Variants in MAP4K4 observed in about 807,000 individuals in gnomAD.
MAP4K4 encodes mitogen-activated protein kinase kinase kinase kinase 4, also known as HPK/GCK-like kinase HGK.
MAP4K4 carries 38 observed loss-of-function variants against 189.6 expected under a neutral mutation model. The ratio of observed to expected loss-of-function variants is 0.20; its 90% confidence interval spans 0.15 to 0.26. The LOEUF is 0.26. Ranked by LOEUF, MAP4K4 falls within the 10% of genes least tolerant of loss-of-function variation. The pLI, the probability that MAP4K4 is intolerant of heterozygous loss-of-function variation, is 1.00. For synonymous variants in MAP4K4, 610 were observed against 624.3 expected (o/e 0.98, Z 0.34); for missense variants, 1,054 against 1,726.9 (o/e 0.61, Z 6.91).
At chr2:101,705,967 T>C (rs918577621) in intron 2 of MAP4K4, among the ~76,000 whole-genome samples, 1 of 152,310 alleles carries the variant, frequency 6.6e-6, no homozygotes, top group South Asian at 2.1e-4. Context: ...TGGCTAAATA[T>C]GAACAAGTTA....
At chr2:101,757,029 C>T (rs927308714) in intron 2 of MAP4K4, among the ~76,000 whole-genome samples, 5 of 152,114 alleles carry the variant, frequency 3.3e-5, no homozygotes, top group Non-Finnish European at 4.4e-5. Flanking sequence ...CACAGTGGTA[C>T]AGGGTTTGTT....
intron 3 of MAP4K4, among the ~76,000 whole-genome samples, chr2:101,791,417 G>A (rs1038316792): frequency 1.3e-5 from 2 of 151,936 alleles, no homozygotes; most frequent in African/African-American, 4.8e-5. Flanking sequence ...ATATGCACGA[G>A]CCCATATTTA....
In MAP4K4 at chr2:101,867,261, G is replaced by A. The variant is rs767116570; in HGVS notation, c.2406G>A (p.Val802=). Residue 802 remains valine, a synonymous_variant, in exon 20 of 33, where the codon GTG becomes GTA. Transcript: ENST00000324219. ...CATCTCAGCGCCTGGAAAATGCAGT[G>A]AAAAAACCTGAAGATAAAAAGGAAG... 8 of 1,607,444 alleles carry A rather than the reference G, an allele frequency of 5.0e-6. No individual in the cohort carries two copies. The South Asian group carries it at 6.7e-5, about 14-fold the overall frequency.
At chr2:101,726,213 C>T (rs908490096) in intron 2 of MAP4K4, among the ~76,000 whole-genome samples, 3 of 152,204 alleles carry the variant, frequency 2.0e-5, no homozygotes, top group African/African-American at 7.2e-5. Flanking sequence ...TGCAGCTATT[C>T]ACTTTGAGAG....
chr2:101,885,926 A>G (rs1354757963), intron 29 of MAP4K4, among the ~76,000 whole-genome samples: 1 of 152,200 alleles, frequency 6.6e-6, no homozygotes, highest in Admixed American at 6.5e-5. Context: ...AAAAATACTC[A>G]TGAAATTTAC....
chr2:101,866,485 C>T, exon 19 of MAP4K4: 1 of 1,613,628 alleles, frequency 6.2e-7, no homozygotes, highest in Non-Finnish European at 8.5e-7. Context: ...CCAGACCTGG[C>T]AGTGGCAGCT....
intron 7 of MAP4K4, among the ~76,000 whole-genome samples, chr2:101,832,553 A>AT (rs1451174175): frequency 6.6e-6 from 1 of 152,192 alleles, no homozygotes; most frequent in African/African-American, 2.4e-5. Flanking sequence ...AGAATGTTTT[A>AT]TTTTTTATAT....
intron 2 of MAP4K4, among the ~76,000 whole-genome samples, chr2:101,777,811 T>A (rs1195560454): frequency 1.3e-5 from 2 of 152,204 alleles, no homozygotes; most frequent in African/African-American, 4.8e-5. Flanking sequence ...ACCAGTGTCT[T>A]GTATATCAGA....
chr2:101,796,794 G>A (rs2093741515), intron 3 of MAP4K4, among the ~76,000 whole-genome samples: 1 of 152,190 alleles, frequency 6.6e-6, no homozygotes, highest in South Asian at 2.1e-4. Flanking sequence ...GGAAGAGCCA[G>A]TATACTGGAA....
rs2097868266 is a variant in MAP4K4, at chr2:101,868,077, C to G, written c.2463+40C>G. 2.5e-6 allele frequency: 4 copies of G among 1,603,728 alleles called. No individual in the cohort carries two copies. In the African/African-American group the frequency reaches 4.0e-5, roughly 16 times the overall value. The stretch of plus-strand genomic sequence containing the variant: ...TGAAAAGTTCCACTTCAGAGCAGCA[C>G]TCCGACCGCCTGTCAGCTCAGCTTG... On this transcript the variant is annotated intron_variant, in intron 21 of 32. Transcript: ENST00000324219.
chr2:101,874,924 C>CA (rs1378858520), intron 26 of MAP4K4, among the ~76,000 whole-genome samples: 1 of 152,180 alleles, frequency 6.6e-6, no homozygotes, highest in Non-Finnish European at 1.5e-5. Flanking sequence ...CATTCTTTCT[C>CA]ACTGTAAAAT....
At chr2:101,763,907 T>G (rs963781232) in intron 2 of MAP4K4, among the ~76,000 whole-genome samples, 19 of 152,240 alleles carry the variant, frequency 1.2e-4, no homozygotes, top group African/African-American at 4.6e-4. Context: ...CACAAGGCTG[T>G]GGCTGGAGAG....
intron 9 of MAP4K4, 64 bp downstream of exon 9, chr2:101,836,042 T>C (rs889723325): frequency 1.2e-5 from 15 of 1,231,190 alleles, no homozygotes; most frequent in South Asian, 2.6e-5. Flanking sequence ...TTTTTAGTTA[T>C]ACTTTCCTCT....
At chr2:101,870,234 A>G (rs201289627) in intron 22 of MAP4K4, 61 bp from the exon 23 acceptor site, 2 of 1,573,836 alleles carry the variant, frequency 1.3e-6, no homozygotes, top group Admixed American at 1.8e-5. Context: ...CGAAAAGCCT[A>G]AACAGGATCT....
chr2:101,851,641 G>A (rs998324669), intron 12 of MAP4K4, among the ~76,000 whole-genome samples: 13 of 147,206 alleles, frequency 8.8e-5, no homozygotes, highest in African/African-American at 3.2e-4. Context: ...TTTTATGGTT[G>A]GTAGTTTAAA....
Position 101,892,714 on chromosome 2 carries a change from T to C in MAP4K4, c.*1465T>C, listed in dbSNP as rs1311202456. 8.8e-6 allele frequency: 3 copies of C among 342,032 alleles called. No homozygotes were observed. The East Asian group carries it at 2.3e-4, about 26-fold the overall frequency. 21.2% of individuals were successfully genotyped at this position (342,032 alleles called of 1,614,324 possible). Reference sequence around the variant, plus strand: ...ATCGAAGTCCTGGCTTTTCTCGTTTTCTCACTTGCTCTCTTGTTCTCTGTT... The same window carrying C: ...ATCGAAGTCCTGGCTTTTCTCGTTTCCTCACTTGCTCTCTTGTTCTCTGTT... On this transcript the variant is annotated 3_prime_UTR_variant, in exon 33 of 33. Transcript: ENST00000324219.
In MAP4K4 at chr2:101,840,097, G is replaced by A. The variant is rs141558860; in HGVS notation, c.949+103G>A. On this transcript the variant is annotated intron_variant, in intron 10 of 32. Transcript: ENST00000324219. ...TCCCAGCTGTGAGAGTGCTCACTTG[G>A]CCAGTGCTTGCATGGTTTCTCTGCT... 24 of 1,114,896 alleles carry A rather than the reference G, an allele frequency of 2.2e-5. No homozygotes were observed. The African/African-American group carries it at 3.1e-4, about 15-fold the overall frequency. The allele number at this position is 1,114,896 out of a possible 1,614,324, so 69.1% of individuals were successfully genotyped here.
intron 2 of MAP4K4, among the ~76,000 whole-genome samples, chr2:101,759,645 A>C (rs1160862718): frequency 4.6e-3 from 1 of 216 alleles, no homozygotes; most frequent in African/African-American, 0.02. Flanking sequence ...TCCCCTCCCC[A>C]TTCCCCTCCC....
intron 9 of MAP4K4, among the ~76,000 whole-genome samples, chr2:101,838,445 C>G (rs151126117): frequency 7.9e-4 from 121 of 152,302 alleles, no homozygotes; most frequent in African/African-American, 2.8e-3. Flanking sequence ...TTTTTCCATT[C>G]TTTTTCACTT....
Sources: gnomAD v4.1 joint callset for allele counts (sites outside exome capture counted in the v4.1 genomes callset) on GRCh38, gnomAD v4.1.1 for gene constraint, MANE v1.5 for transcripts, NCBI Gene and HGNC (gene_info 2026-07-23, HGNC 2026-07-21) for gene names.